ALK: variants seen among roughly 807,000 people sequenced by gnomAD.
ALK encodes ALK tyrosine kinase receptor.
A neutral mutation model predicts 163.1 loss-of-function variants in ALK; 74 were observed. The ratio of observed to expected loss-of-function variants is 0.45; its 90% CI spans 0.38 to 0.55. The LOEUF is 0.55. Ranked by LOEUF, ALK falls within the 20% of genes least tolerant of loss-of-function variation. ALK has a pLI of 0.00. For synonymous variants in ALK, 960 were observed against 843.2 expected, an observed-to-expected ratio of 1.14 and a Z score of -2.40; for missense variants, 2,063 against 2,105.3, an observed-to-expected ratio of 0.98 and a Z score of 0.39.
chr2:29,716,015 T>C (rs908504142), intron 2 of ALK, among the ~76,000 whole-genome samples: 6 of 152,306 alleles, frequency 3.9e-5, no homozygotes, highest in Admixed American at 3.9e-4. Flanking sequence ...ACAGTTAATA[T>C]GAACCAAGAG....
At chr2:29,683,358 C>T (rs889814141) in intron 3 of ALK, among the ~76,000 whole-genome samples, 1 of 152,022 alleles carries the variant, frequency 6.6e-6, no homozygotes, top group African/African-American at 2.4e-5. Flanking sequence ...GCCTGGGCAA[C>T]AGAGTAAGAC....
At chr2:29,918,530 T>A (rs190304025) in intron 1 of ALK, among the ~76,000 whole-genome samples, 209 of 152,314 alleles carry the variant, frequency 1.4e-3, no homozygotes, top group African/African-American at 4.7e-3. Context: ...ATGGTCTATA[T>A]AAATTCCAGC....
At chr2:29,391,255 AC>A (rs1161534712) in intron 4 of ALK, among the ~76,000 whole-genome samples, 1 of 144,370 alleles carries the variant, frequency 6.9e-6, no homozygotes. Context: ...ATGTTTCGGA[AC>A]AAAGACAACA....
chr2:29,725,973 C>T (rs1360819449), intron 1 of ALK, among the ~76,000 whole-genome samples: 3 of 152,180 alleles, frequency 2.0e-5, no homozygotes, highest in African/African-American at 4.8e-5. Flanking sequence ...CATCCATGAG[C>T]GTCACAATGT....
At chr2:29,793,229 G>T (rs1558490603) in intron 1 of ALK, among the ~76,000 whole-genome samples, 1 of 152,158 alleles carries the variant, frequency 6.6e-6, no homozygotes, top group Admixed American at 6.5e-5. Context: ...ATCCGTTCAA[G>T]TTTGATCATG....
intron 1 of ALK, among the ~76,000 whole-genome samples, chr2:29,765,220 T>C (rs1204493104): frequency 6.6e-6 from 1 of 152,236 alleles, no homozygotes; most frequent in African/African-American, 2.4e-5. Context: ...AATGGACTAA[T>C]ACAGTTCTGT....
chr2:29,249,400 C>T (rs1438794620), intron 12 of ALK, among the ~76,000 whole-genome samples: 1 of 152,074 alleles, frequency 6.6e-6, no homozygotes, highest in Admixed American at 6.5e-5. Flanking sequence ...AGGCTGGGCC[C>T]CTCTCATAGC....
At chr2:29,371,151 C>A (rs1020368145) in intron 5 of ALK, among the ~76,000 whole-genome samples, 1 of 152,190 alleles carries the variant, frequency 6.6e-6, no homozygotes. Context: ...GCCTTCTGGG[C>A]CGCTGCCCAG....
chr2:29,540,296 G>C (rs1031465375), intron 3 of ALK, among the ~76,000 whole-genome samples: 1 of 152,052 alleles, frequency 6.6e-6, no homozygotes, highest in Admixed American at 6.6e-5. Context: ...CTTGAGAAGG[G>C]AAAAATTCAC....
At chr2:29,303,301 C>T (rs760668123) in intron 8 of ALK, among the ~76,000 whole-genome samples, 23 of 152,108 alleles carry the variant, frequency 1.5e-4, no homozygotes, top group Non-Finnish European at 3.4e-4. Context: ...CAACGCTAAC[C>T]ACCAGAGAAA....
chr2:29,304,735 C>T (rs1216713216), intron 8 of ALK, among the ~76,000 whole-genome samples: 1 of 152,208 alleles, frequency 6.6e-6, no homozygotes, highest in Non-Finnish European at 1.5e-5. Context: ...ACTGTGTGAC[C>T]TTAAGCCAAC....
At chr2:29,221,320 G>T in intron 22 of ALK, 2 of 475,976 alleles carry the variant, frequency 4.2e-6, no homozygotes, top group South Asian at 1.8e-5. Flanking sequence ...GTTTCCCGTG[G>T]ATTCCTCATG....
intron 4 of ALK, among the ~76,000 whole-genome samples, chr2:29,478,731 C>T (rs1671588815): frequency 6.6e-6 from 1 of 152,102 alleles, no homozygotes; most frequent in African/African-American, 2.4e-5. Flanking sequence ...GGCTGGGTGG[C>T]CTGAGAAGAG....
In ALK at chr2:29,694,911, C is replaced by T. The variant is rs1186610060; in HGVS notation, c.891G>A (p.Glu297=). 1.2e-6 allele frequency: 2 copies of T among 1,614,140 alleles called. No individual in the cohort carries two copies. The highest frequency in any genetic ancestry group is 1.1e-5 in the South Asian group (1 of 91,082). The change falls in exon 3 of 29, where the codon GAG becomes GAA. Residue 297 remains glutamate, a synonymous_variant. Transcript: ENST00000389048. ...SWSWRRIPSE[E]ASQMDLLDGP... The stretch of plus-strand genomic sequence containing the variant: ...CATCCAGCAAGTCCATCTGGGAGGC[C>T]TCCTCGGAGGGGATGCGGCGCCAGG...
intron 1 of ALK, among the ~76,000 whole-genome samples, chr2:29,883,057 T>TGA (rs768875944): frequency 7.1e-6 from 1 of 141,550 alleles, no homozygotes; most frequent in East Asian, 2.0e-4. Flanking sequence ...GAGCAGAGGG[T>TGA]GAGAGAGAGA....
At chr2:29,838,252 G>A (rs1665613390) in intron 1 of ALK, among the ~76,000 whole-genome samples, 1 of 152,102 alleles carries the variant, frequency 6.6e-6, no homozygotes, top group Non-Finnish European at 1.5e-5. Context: ...TAGCATACAT[G>A]TAATTGGCCT....
At chr2:29,383,626 CT>C (rs1319554065) in intron 5 of ALK, 105 bp downstream of exon 5, 1 of 1,509,982 alleles carries the variant, frequency 6.6e-7, no homozygotes, top group African/African-American at 1.4e-5. Flanking sequence ...CCACTCTAGA[CT>C]TTTCTTCATA....
intron 4 of ALK, among the ~76,000 whole-genome samples, chr2:29,508,568 G>T (rs1672406947): frequency 1.3e-5 from 2 of 151,824 alleles, no homozygotes; most frequent in Non-Finnish European, 2.9e-5. Context: ...AGCGGGAAGG[G>T]ATAGCATTAG....
rs1303220813 is a variant in ALK, at chr2:29,320,124, C to A, written c.1546+627G>T. Among the ~76,000 whole-genome samples, 3 of 152,234 alleles carry A rather than the reference C, an allele frequency of 2.0e-5. No homozygotes were observed. The East Asian group carries it at 5.8e-4, about 29-fold the overall frequency. On this transcript the variant is annotated intron_variant, in intron 7 of 28. Coordinates refer to ENST00000389048, the MANE Select transcript of ALK (RefSeq NM_004304.5). ...CCTGCCCAGCCTGGTGTCTCTGAGTCTGGAGTCAGCTTACCCAGGAGGGGC... is the reference window on the plus strand; with the variant it reads ...CCTGCCCAGCCTGGTGTCTCTGAGTATGGAGTCAGCTTACCCAGGAGGGGC...
Sources: gnomAD v4.1 joint callset for allele counts (sites outside exome capture counted in the v4.1 genomes callset) on GRCh38, gnomAD v4.1.1 for gene constraint, MANE v1.5 for transcripts, NCBI Gene and HGNC (gene_info 2026-07-23, HGNC 2026-07-21) for gene names.